The following CD163L1 variants were observed in gnomAD, a reference collection of about 807,000 sequenced individuals.
CD163L1 encodes the protein scavenger receptor cysteine-rich type 1 protein M160.
A neutral mutation model predicts 165.4 loss-of-function variants in CD163L1; 124 were observed. That is an observed-to-expected ratio of 0.75 (90% CI 0.65 to 0.87). The LOEUF (loss-of-function observed/expected upper bound fraction) is 0.87, where lower values mean the gene tolerates loss of function less well. Among genes scored for constraint, CD163L1 ranks in the 40% least tolerant of loss-of-function variants. The pLI is 0.00. For missense variants in CD163L1, 1,525 were observed against 1,799.9 expected (o/e 0.85, Z 2.76); for synonymous variants, 585 against 662.2 (o/e 0.88, Z 1.79).
At chr12:7,420,461 G>A (rs775912172) in intron 4 of CD163L1, among the ~76,000 whole-genome samples, 19 of 151,800 alleles carry the variant, frequency 1.3e-4, no homozygotes, top group African/African-American at 2.9e-4. Context: ...CTACACATCC[G>A]ACAAAAGACT....
chr12:7,349,506 T>G (rs967263485), intron 4 of CD163L1, among the ~76,000 whole-genome samples: 2 of 151,524 alleles, frequency 1.3e-5, no homozygotes, highest in Admixed American at 6.6e-5. Context: ...AAGCAAAAAA[T>G]TATTTCTTTC....
chr12:7,368,847 T>A lies in CD163L1; in HGVS notation c.4072+86A>T. 6.9e-7 allele frequency: 1 copy of A among 1,452,094 alleles called. No individual in the cohort carries two copies. The highest frequency in any genetic ancestry group is 9.7e-7 in the Non-Finnish European group (1 of 1,035,812). 90.0% of individuals were successfully genotyped at this position (1,452,094 alleles called of 1,614,324 possible). On this transcript the variant is annotated intron_variant, in intron 16 of 19. Transcript: ENST00000313599. This position sits in a 1 kb window ranked among gnomAD's most constrained non-coding sequence, Gnocchi z 4.3. ...TATTTCTGCAGTCCCCAGTCTTCTT[T>A]GATTATCATAGCAGTTTCTGCCCTC...
In CD163L1 at chr12:7,439,502, T is replaced by C; in HGVS notation, c.124+1652A>G. On this transcript the variant is annotated intron_variant, in intron 2 of 19. Coordinates refer to ENST00000313599, the MANE Select transcript of CD163L1 (RefSeq NM_174941.6). ...TTCTTTTTCAGATCATCTGGGCTTT[T>C]CTCCTCTCTCTGCCTTAATTTTTTC... 1.9e-6 allele frequency: 3 copies of C among 1,582,822 alleles called. No homozygotes were observed. In the East Asian group the frequency reaches 6.7e-5, roughly 35 times the overall value.
In CD163L1 at chr12:7,362,318, A is replaced by C. The variant is rs1946912580; in HGVS notation, c.4280-4832T>G. ...GTAATTATACTATATAATTATATTA[A>C]ATTATATAAAATAAAATATGAAATA... is the stretch of plus-strand genomic sequence containing the variant. On this transcript the variant is annotated intron_variant, in intron 18 of 19. Coordinates refer to ENST00000313599, the MANE Select transcript of CD163L1 (RefSeq NM_174941.6). Among the ~76,000 whole-genome samples, 4 of 139,530 alleles carry C rather than the reference A, an allele frequency of 2.9e-5. No homozygotes were observed. In the South Asian group the frequency reaches 8.7e-4, roughly 30 times the overall value. 91.5% of individuals were successfully genotyped at this position (139,530 alleles called of 152,430 possible).
chr12:7,326,391 G>C, the CD163L1 span, among the ~76,000 whole-genome samples: 1 of 152,236 alleles, frequency 6.6e-6, no homozygotes, highest in African/African-American at 2.4e-5. Flanking sequence ...TTAAGTCTTT[G>C]TAGAGATGGG....
At chr12:7,343,793 T>C (rs138906136), downstream of CD163L1, among the ~76,000 whole-genome samples, 11 of 152,328 alleles carry the variant, frequency 7.2e-5, no homozygotes, top group Non-Finnish European at 1.2e-4. Flanking sequence ...CCAAATCTTA[T>C]GTCCTCACAT....
chr12:7,406,955 G>T, intron 4 of CD163L1, 103 bp from the exon 5 acceptor site: 1 of 1,041,354 alleles, frequency 9.6e-7, no homozygotes, highest in Non-Finnish European at 1.4e-6. Context: ...AATAAATTGA[G>T]ATTCAATGAA....
chr12:7,421,464 C>CATATATATACATGTACATATATACAT (rs1948396897), intron 4 of CD163L1, among the ~76,000 whole-genome samples: 1 of 75,486 alleles, frequency 1.3e-5, no homozygotes, highest in Non-Finnish European at 2.2e-5. Context: ...TACATATATA[C>CATATATATACATGTACATATATACAT]ATATATATAC....
intron 2 of CD163L1, chr12:7,439,752 G>A: frequency 2.5e-6 from 4 of 1,612,280 alleles, no homozygotes; most frequent in Non-Finnish European, 3.4e-6. Flanking sequence ...AGCCTTTCCA[G>A]CGAACTTTGT....
chr12:7,383,231 G>A (rs1649113460), intron 8 of CD163L1, among the ~76,000 whole-genome samples: 1 of 152,136 alleles, frequency 6.6e-6, no homozygotes, highest in Admixed American at 6.5e-5. Flanking sequence ...GTCCCTGTGT[G>A]CAACATCAGT....
chr12:7,369,728 T>A lies in CD163L1; in HGVS notation c.3731-63A>T. On this transcript the variant is annotated intron_variant, in intron 14 of 19. Coordinates refer to ENST00000313599, the MANE Select transcript of CD163L1 (RefSeq NM_174941.6). This position sits in a 1 kb window ranked among gnomAD's most constrained non-coding sequence, Gnocchi z 4.9. Reference sequence around the variant, plus strand: ...AGGAGGTTGTGGGAGAATGCTGAGGTAGAAAAACTTGAAAGTAGCAAATGT... The same window carrying A: ...AGGAGGTTGTGGGAGAATGCTGAGGAAGAAAAACTTGAAAGTAGCAAATGT... 1 of 1,473,762 alleles carries A rather than the reference T, an allele frequency of 6.8e-7. No homozygotes were observed. Among genetic ancestry groups the A allele is most frequent in the South Asian group, 1.3e-5 (1 of 78,914 alleles). 91.3% of individuals were successfully genotyped at this position (1,473,762 alleles called of 1,614,324 possible). A position where few individuals can be genotyped will look rare whatever the true frequency, so the allele number is the denominator to read the frequency against.
chr12:7,360,132 T>C (rs1019962468), intron 18 of CD163L1, among the ~76,000 whole-genome samples: 2 of 152,114 alleles, frequency 1.3e-5, no homozygotes, highest in Non-Finnish European at 2.9e-5. Flanking sequence ...AACACTCCAA[T>C]GATATGTACA....
chr12:7,366,726 GT>G (rs1947028385), intron 18 of CD163L1, among the ~76,000 whole-genome samples: 1 of 152,082 alleles, frequency 6.6e-6, no homozygotes, highest in Non-Finnish European at 1.5e-5. Flanking sequence ...TCATTGTATT[GT>G]CACAGTAATT....
Position 7,421,207 on chromosome 12 carries a change from GTA to G in CD163L1, c.766+11207_766+11208del, listed in dbSNP as rs755905887. Among the ~76,000 whole-genome samples, 1,182 of 128,882 alleles carry G rather than the reference GTA, an allele frequency of 9.2e-3. 19 individuals carry two copies. Among genetic ancestry groups the G allele is most frequent in the African/African-American group, 0.031 (1,064 of 34,808 alleles). The allele number at this position is 128,882 out of a possible 152,430, so 84.6% of individuals were successfully genotyped here. On this transcript the variant is annotated intron_variant, in intron 4 of 19. Transcript: ENST00000313599. ...TATGTGTATATATGTATATATATGG[GTA>G]TATATATGTGTATATATATGTATAT...
At chr12:7,401,438 T>C (rs756543316) in intron 6 of CD163L1, among the ~76,000 whole-genome samples, 2 of 152,004 alleles carry the variant, frequency 1.3e-5, no homozygotes, top group Non-Finnish European at 2.9e-5. Flanking sequence ...TTAATATGTA[T>C]CCAAGACTTT....
chr12:7,442,582 T>C (rs1283998655), intron 1 of CD163L1, among the ~76,000 whole-genome samples: 1 of 152,312 alleles, frequency 6.6e-6, no homozygotes. Context: ...ACCCTCCCTA[T>C]AGAACGAAAC....
intron 4 of CD163L1, among the ~76,000 whole-genome samples, chr12:7,410,532 A>T (rs1948116699): frequency 6.6e-6 from 1 of 151,446 alleles, no homozygotes; most frequent in Admixed American, 6.6e-5. Flanking sequence ...TGAATCCAGG[A>T]GGCAGAGGTT....
At chr12:7,422,486 C>T (rs1181593627) in intron 4 of CD163L1, among the ~76,000 whole-genome samples, 1 of 151,920 alleles carries the variant, frequency 6.6e-6, no homozygotes, top group Non-Finnish European at 1.5e-5. Context: ...TAATAAGAAA[C>T]TCCTCTGAGC....
downstream of CD163L1, among the ~76,000 whole-genome samples, chr12:7,351,901 T>C (rs1324778841): frequency 2.0e-5 from 3 of 152,140 alleles, no homozygotes; most frequent in South Asian, 2.1e-4. Context: ...AAATATGAGA[T>C]GGCTTATGCA....
Sources: gnomAD v4.1 joint callset for allele counts (sites outside exome capture counted in the v4.1 genomes callset) on GRCh38, gnomAD v4.1.1 for gene constraint, Gnocchi (gnomAD v3.1) non-coding constraint, MANE v1.5 for transcripts, NCBI Gene and HGNC (gene_info 2026-07-23, HGNC 2026-07-21) for gene names.